Variants in BCKDHB observed in about 807,000 individuals in gnomAD.
BCKDHB encodes the protein 2-oxoisovalerate dehydrogenase subunit beta, mitochondrial.
BCKDHB carries 41 observed loss-of-function variants against 48.5 expected under a neutral mutation model. That is an observed-to-expected ratio of 0.85 (90% CI 0.66 to 1.10). The LOEUF is 1.10. BCKDHB is among the 50% of genes least tolerant of loss of function. The probability of loss-of-function intolerance (pLI) is 0.00; values close to 1 mark genes in which losing one functional copy is unlikely to be tolerated. For missense variants in BCKDHB, 496 were observed against 494.2 expected (o/e 1.00, Z -0.03); for synonymous variants, 201 against 174.8 (o/e 1.15, Z -1.18).
In BCKDHB at chr6:80,326,919, T is replaced by C. The variant is rs1769057303; in HGVS notation, c.1039-16745T>C. On this transcript the variant is annotated intron_variant, in intron 9 of 9. Transcript: ENST00000320393. ...ACTTGCCCAGAGTCACACAGATGTT[T>C]ACTGACAGACTACATGAGAGCCTTG... Among the ~76,000 whole-genome samples, 2 of 152,140 alleles carry C rather than the reference T, an allele frequency of 1.3e-5. 1 individual carries two copies.
chr6:80,409,156 G>T, the BCKDHB span, among the ~76,000 whole-genome samples: 2 of 152,038 alleles, frequency 1.3e-5, no homozygotes, highest in Non-Finnish European at 2.9e-5. Context: ...GGAGCAGGTT[G>T]TTCAGTTTCC....
At chr6:80,446,298 G>T in the BCKDHB span, among the ~76,000 whole-genome samples, 1 of 152,244 alleles carries the variant, frequency 6.6e-6, no homozygotes, top group African/African-American at 2.4e-5. Flanking sequence ...AACTGTGTAC[G>T]CATGAGAGTG....
At chr6:80,107,794 T>G (rs1769204336) in intron 1 of BCKDHB, among the ~76,000 whole-genome samples, 1 of 152,042 alleles carries the variant, frequency 6.6e-6, no homozygotes, top group African/African-American at 2.4e-5. Flanking sequence ...AGCAAACTCC[T>G]CATAGTATGA....
At chr6:80,334,918 CTAATT>C (rs1257653780) in intron 9 of BCKDHB, among the ~76,000 whole-genome samples, 8 of 151,410 alleles carry the variant, frequency 5.3e-5, no homozygotes, top group East Asian at 3.9e-4. Flanking sequence ...TTTATTTTGT[CTAATT>C]TAATCCTTTC....
At chr6:80,247,887 C>T (rs1776681066) in intron 8 of BCKDHB, among the ~76,000 whole-genome samples, 1 of 152,222 alleles carries the variant, frequency 6.6e-6, no homozygotes, top group Admixed American at 6.5e-5. Flanking sequence ...TGCTACTTAA[C>T]ATTCAGAATG....
At chr6:80,138,100 A>G (rs2505939) in intron 3 of BCKDHB, among the ~76,000 whole-genome samples, 95,016 of 151,498 alleles carry the variant, frequency 0.63, 30,127 homozygotes, top group South Asian at 0.77. Context: ...ATAGTGCAGC[A>G]AGGCTGAGAG....
At chr6:80,119,570 C>A (rs567663027) in intron 1 of BCKDHB, among the ~76,000 whole-genome samples, 1 of 152,086 alleles carries the variant, frequency 6.6e-6, no homozygotes, top group Non-Finnish European at 1.5e-5. Context: ...ATCCGCACCC[C>A]CCTTGGCCTC....
intron 8 of BCKDHB, among the ~76,000 whole-genome samples, chr6:80,270,834 G>T (rs569961748): frequency 6.6e-6 from 1 of 152,144 alleles, no homozygotes; most frequent in African/African-American, 2.4e-5. Flanking sequence ...TGGATCTCAG[G>T]ATTCCTTTGT....
chr6:80,425,132 T>C, the BCKDHB span, among the ~76,000 whole-genome samples: 1 of 152,144 alleles, frequency 6.6e-6, no homozygotes, highest in Non-Finnish European at 1.5e-5. Flanking sequence ...CAAACAAAGA[T>C]GACTTTACAC....
chr6:80,390,633 T>C, the BCKDHB span, among the ~76,000 whole-genome samples: 110 of 152,346 alleles, frequency 7.2e-4, no homozygotes, highest in African/African-American at 2.4e-3. Flanking sequence ...GATTGGTGCG[T>C]TTCCGGTTGT....
intron 3 of BCKDHB, among the ~76,000 whole-genome samples, chr6:80,163,880 A>G (rs757585692): frequency 1.2e-4 from 18 of 152,148 alleles, no homozygotes; most frequent in Non-Finnish European, 2.1e-4. Flanking sequence ...CTGCACATCC[A>G]TTTCATCAGC....
chr6:80,261,799 C>T (rs1777315166), intron 8 of BCKDHB, among the ~76,000 whole-genome samples: 1 of 152,060 alleles, frequency 6.6e-6, no homozygotes, highest in South Asian at 2.1e-4. Flanking sequence ...GTAGATTATT[C>T]TTAGAGACCT....
At chr6:80,388,555 A>G in the BCKDHB span, among the ~76,000 whole-genome samples, 1 of 152,182 alleles carries the variant, frequency 6.6e-6, no homozygotes, top group South Asian at 2.1e-4. Flanking sequence ...GGGTATGCAC[A>G]GCAGGATTTC....
At chr6:80,130,799 A>G (rs796957579) in intron 3 of BCKDHB, among the ~76,000 whole-genome samples, 34 of 152,322 alleles carry the variant, frequency 2.2e-4, no homozygotes, top group African/African-American at 7.9e-4. Context: ...GTATTTGAAT[A>G]TGTTTGTATA....
the BCKDHB span, among the ~76,000 whole-genome samples, chr6:80,460,353 C>G: frequency 1.3e-5 from 2 of 152,074 alleles, no homozygotes; most frequent in Non-Finnish European, 2.9e-5. Flanking sequence ...TATTGCTGAA[C>G]AAAACAAATA....
the BCKDHB span, chr6:80,465,793 T>C: frequency 1.3e-5 from 2 of 152,134 alleles, no homozygotes; most frequent in African/African-American, 4.8e-5. Context: ...GATAGGGAAG[T>C]AGGAGAGGAA....
chr6:80,229,707 A>C (rs1209186259), intron 8 of BCKDHB, among the ~76,000 whole-genome samples: 2 of 152,260 alleles, frequency 1.3e-5, no homozygotes, highest in Admixed American at 1.3e-4. Context: ...ATAATTTAGA[A>C]TCAATGAAAT....
At chr6:80,129,118 G>C (rs1312720876) in intron 2 of BCKDHB, 43 bp from the exon 3 acceptor site, 1 of 1,328,764 alleles carries the variant, frequency 7.5e-7, no homozygotes, top group Admixed American at 1.7e-5. Context: ...GTATTATTTA[G>C]AGATTATTAA....
chr6:80,216,614 T>C (rs1218594783), intron 8 of BCKDHB, among the ~76,000 whole-genome samples: 1 of 152,254 alleles, frequency 6.6e-6, no homozygotes, highest in Non-Finnish European at 1.5e-5. Flanking sequence ...TTGCTTTCAC[T>C]GTTACGAATA....
Sources: gnomAD v4.1 joint callset for allele counts (sites outside exome capture counted in the v4.1 genomes callset) on GRCh38, gnomAD v4.1.1 for gene constraint, MANE v1.5 for transcripts, NCBI Gene and HGNC (gene_info 2026-07-23, HGNC 2026-07-21) for gene names.